NRG3: variants seen among roughly 807,000 people sequenced by gnomAD.
NRG3 encodes the protein pro-neuregulin-3, membrane-bound isoform.
NRG3 carries 31 observed loss-of-function variants against 66.9 expected under a neutral mutation model. That is an observed-to-expected ratio of 0.46 (90% CI 0.35 to 0.63). NRG3 has a LOEUF of 0.63. Among genes scored for constraint, NRG3 ranks in the 20% least tolerant of loss-of-function variants. The pLI is 0.00. For synonymous variants in NRG3, 393 were observed against 359.4 expected, an observed-to-expected ratio of 1.09 and a Z score of -1.06; for missense variants, 910 against 878.9, an observed-to-expected ratio of 1.04 and a Z score of -0.45.
intron 3 of NRG3, among the ~76,000 whole-genome samples, chr10:82,854,070 AC>A (rs1371237514): frequency 1.3e-5 from 2 of 152,224 alleles, no homozygotes; most frequent in Non-Finnish European, 2.9e-5. Flanking sequence ...ATAAGCATTC[AC>A]TTGCCATATG....
intron 2 of NRG3, among the ~76,000 whole-genome samples, chr10:82,463,041 T>A (rs2091593962): frequency 6.6e-6 from 1 of 152,170 alleles, no homozygotes; most frequent in African/African-American, 2.4e-5. Context: ...AAGTGATGGA[T>A]GCCAGCTCCC....
intron 2 of NRG3, among the ~76,000 whole-genome samples, chr10:82,471,890 G>A (rs1454875736): frequency 2.3e-4 from 34 of 145,664 alleles, no homozygotes; most frequent in African/African-American, 7.7e-4. Context: ...ACTCCATCTC[G>A]AAAAAAAAAA....
intron 1 of NRG3, among the ~76,000 whole-genome samples, chr10:82,337,774 ATATC>A (rs1246771428): frequency 3.3e-5 from 5 of 152,244 alleles, no homozygotes; most frequent in African/African-American, 9.6e-5. Flanking sequence ...CTTTGGAAAA[ATATC>A]TATTCAAATA....
intron 2 of NRG3, among the ~76,000 whole-genome samples, chr10:82,682,946 A>ATTTTTTT (rs71009814): frequency 3.1e-5 from 2 of 65,334 alleles, no homozygotes; most frequent in African/African-American, 6.4e-5. Context: ...CCATGTCTTA[A>ATTTTTTT]TTTTTTTTTT....
chr10:82,447,754 C>G (rs1259366506), intron 2 of NRG3, among the ~76,000 whole-genome samples: 3 of 152,196 alleles, frequency 2.0e-5, no homozygotes, highest in Non-Finnish European at 4.4e-5. Flanking sequence ...TGTTCAGAAA[C>G]TGTATGTCGG....
chr10:82,533,025 G>C (rs1046239439), intron 2 of NRG3, among the ~76,000 whole-genome samples: 1 of 148,512 alleles, frequency 6.7e-6, no homozygotes, highest in Admixed American at 6.7e-5. Flanking sequence ...CTGTGTTTTT[G>C]ATTTGTTATT....
chr10:82,546,335 A>G (rs1430152542), intron 2 of NRG3, among the ~76,000 whole-genome samples: 1 of 152,200 alleles, frequency 6.6e-6, no homozygotes, highest in Non-Finnish European at 1.5e-5. Context: ...GGGAAATGCA[A>G]AAGTTGCATA....
At chr10:82,318,759 A>G (rs944367709) in intron 1 of NRG3, among the ~76,000 whole-genome samples, 5 of 152,226 alleles carry the variant, frequency 3.3e-5, no homozygotes, top group African/African-American at 7.2e-5. Flanking sequence ...GCTGTATTGT[A>G]GCAAAATCAG....
intron 1 of NRG3, among the ~76,000 whole-genome samples, chr10:81,933,988 A>G (rs1264727555): frequency 6.6e-6 from 1 of 152,196 alleles, no homozygotes; most frequent in East Asian, 1.9e-4. Context: ...CCATGAGGTC[A>G]TAGATATTGA....
At chr10:82,121,262 T>C (rs1268848887) in intron 1 of NRG3, among the ~76,000 whole-genome samples, 1 of 152,098 alleles carries the variant, frequency 6.6e-6, no homozygotes, top group Non-Finnish European at 1.5e-5. Context: ...TGGTCCTCAA[T>C]TTCACCCACC....
In NRG3 at chr10:82,721,119, C is replaced by T. The variant is rs545324747; in HGVS notation, c.954-17458C>T. Reference sequence around the variant, plus strand: ...GTTTATTTATTTTGAAACAGAGTTTCACCCTTTTTTTTTTTTTTTTTTTTT... The same window carrying T: ...GTTTATTTATTTTGAAACAGAGTTTTACCCTTTTTTTTTTTTTTTTTTTTT... On this transcript the variant is annotated intron_variant, in intron 2 of 8. Coordinates refer to ENST00000372141, the MANE Select transcript of NRG3 (RefSeq NM_001010848.4). Among the ~76,000 whole-genome samples the T allele has an allele frequency of 2.2e-3, 253 of 115,034 alleles. 2 individuals carry two copies. Among genetic ancestry groups the T allele is most frequent in the South Asian group, 5.5e-3 (20 of 3,644 alleles). The allele number at this position is 115,034 out of a possible 152,430, so 75.5% of individuals were successfully genotyped here. A position where few individuals can be genotyped will look rare whatever the true frequency, so the allele number is the denominator to read the frequency against.
At chr10:82,698,066 G>A (rs760029958) in intron 2 of NRG3, among the ~76,000 whole-genome samples, 19 of 152,110 alleles carry the variant, frequency 1.2e-4, no homozygotes, top group Non-Finnish European at 1.5e-4. Context: ...TTCTGTAGCT[G>A]TTTTTTAAAA....
chr10:82,827,496 G>A (rs1324699505), intron 3 of NRG3, among the ~76,000 whole-genome samples: 5 of 152,140 alleles, frequency 3.3e-5, no homozygotes, highest in Non-Finnish European at 7.4e-5. Context: ...TAGCCCCAGG[G>A]AGAGGTCCTG....
At chr10:82,514,430 T>A (rs907845430) in intron 2 of NRG3, among the ~76,000 whole-genome samples, 1 of 152,208 alleles carries the variant, frequency 6.6e-6, no homozygotes, top group Non-Finnish European at 1.5e-5. Context: ...TAGCACCAAT[T>A]ATAAATAGGG....
chr10:81,935,019 A>G (rs1324066115), intron 1 of NRG3, among the ~76,000 whole-genome samples: 1 of 152,212 alleles, frequency 6.6e-6, no homozygotes, highest in Non-Finnish European at 1.5e-5. Context: ...TTCACCCAAA[A>G]CATTTAAGCC....
intron 1 of NRG3, among the ~76,000 whole-genome samples, chr10:82,173,838 C>G (rs1225773635): frequency 6.6e-6 from 1 of 152,084 alleles, no homozygotes; most frequent in Non-Finnish European, 1.5e-5. Flanking sequence ...TTCATGTAGC[C>G]ACGGCCTCCT....
intron 3 of NRG3, among the ~76,000 whole-genome samples, chr10:82,788,722 G>A (rs1418800082): frequency 6.6e-6 from 1 of 151,984 alleles, no homozygotes; most frequent in African/African-American, 2.4e-5. Flanking sequence ...CTCACTGGAA[G>A]CATGCATATT....
At chr10:82,105,435 A>T (rs1251320512) in intron 1 of NRG3, among the ~76,000 whole-genome samples, 1 of 152,136 alleles carries the variant, frequency 6.6e-6, no homozygotes, top group African/African-American at 2.4e-5. Context: ...GGAGTAAGTG[A>T]TGTCCTCCCT....
At chr10:82,387,621 G>A (rs1484600540) in intron 2 of NRG3, among the ~76,000 whole-genome samples, 1 of 152,180 alleles carries the variant, frequency 6.6e-6, no homozygotes, top group East Asian at 1.9e-4. Flanking sequence ...CAAATTAGCT[G>A]TTCCTACCAA....
Sources: allele counts gnomAD v4.1 joint callset (sites outside exome capture counted in the v4.1 genomes callset), GRCh38; gene constraint gnomAD v4.1.1; transcripts MANE v1.5; gene names NCBI Gene and HGNC (gene_info 2026-07-23, HGNC 2026-07-21).